The following SUGCT variants were observed in gnomAD, a reference collection of about 807,000 sequenced individuals.
SUGCT encodes succinyl-CoA:glutarate-CoA transferase, also known as succinyl-CoA:glutarate CoA-transferase.
SUGCT carries 41 observed loss-of-function variants against 55.0 expected under a neutral mutation model. The observed-to-expected ratio is 0.74, with a 90% CI of 0.58 to 0.97. The LOEUF (loss-of-function observed/expected upper bound fraction) is 0.97. SUGCT is among the 50% of genes least tolerant of loss of function. The pLI, the probability that SUGCT is intolerant of heterozygous loss-of-function variation, is 0.00. For missense variants in SUGCT, 568 were observed against 547.8 expected, an observed-to-expected ratio of 1.04 and a Z score of -0.37; for synonymous variants, 187 against 200.4, an observed-to-expected ratio of 0.93 and a Z score of 0.56.
intron 12 of SUGCT, among the ~76,000 whole-genome samples, chr7:40,555,858 A>C (rs762560096): frequency 2.0e-5 from 3 of 152,112 alleles, no homozygotes; most frequent in Non-Finnish European, 2.9e-5. Flanking sequence ...TACAACACCT[A>C]GATCAAATGC....
At chr7:41,035,746 A>T in the SUGCT span, among the ~76,000 whole-genome samples, 37 of 152,360 alleles carry the variant, frequency 2.4e-4, no homozygotes, top group African/African-American at 8.4e-4. Context: ...GATATATCAA[A>T]TATCAGGAGG....
chr7:40,527,123 T>C (rs1018242677), intron 12 of SUGCT, among the ~76,000 whole-genome samples: 2 of 152,354 alleles, frequency 1.3e-5, no homozygotes, highest in Middle Eastern at 3.4e-3. Context: ...CTTGGAACTC[T>C]AGCTTACATT....
intron 12 of SUGCT, among the ~76,000 whole-genome samples, chr7:40,745,086 G>A (rs1257955733): frequency 1.3e-5 from 2 of 152,122 alleles, no homozygotes; most frequent in Admixed American, 1.3e-4. Flanking sequence ...ATTTTGCCTA[G>A]CATATAAGTG....
At chr7:40,640,477 G>T (rs907911972) in intron 12 of SUGCT, among the ~76,000 whole-genome samples, 2 of 152,142 alleles carry the variant, frequency 1.3e-5, no homozygotes. Flanking sequence ...CTGCTGTATT[G>T]GTAGACTTGA....
intron 9 of SUGCT, among the ~76,000 whole-genome samples, chr7:40,380,795 G>A (rs1784832491): frequency 6.6e-6 from 1 of 152,110 alleles, no homozygotes. Flanking sequence ...TTTGATTGCT[G>A]CCTGTATATT....
chr7:40,653,265 G>A (rs1306281787), intron 12 of SUGCT, among the ~76,000 whole-genome samples: 1 of 152,140 alleles, frequency 6.6e-6, no homozygotes, highest in Non-Finnish European at 1.5e-5. Context: ...ACTATTCAAA[G>A]AACACTTGAA....
At chr7:40,968,115 C>A in the SUGCT span, 1 of 152,132 alleles carries the variant, frequency 6.6e-6, no homozygotes, top group South Asian at 2.1e-4. Flanking sequence ...AACAACGGAC[C>A]TGATGAGATT....
At chr7:40,914,218 C>T in the SUGCT span, among the ~76,000 whole-genome samples, 1 of 151,600 alleles carries the variant, frequency 6.6e-6, no homozygotes, top group Non-Finnish European at 1.5e-5. Flanking sequence ...ACTCAAAGTC[C>T]AATTACATTT....
chr7:40,636,393 A>G (rs1800021203), intron 12 of SUGCT, among the ~76,000 whole-genome samples: 1 of 152,118 alleles, frequency 6.6e-6, no homozygotes, highest in Non-Finnish European at 1.5e-5. Flanking sequence ...GTCAGGTGGA[A>G]GCTGTATTGC....
intron 9 of SUGCT, among the ~76,000 whole-genome samples, chr7:40,370,595 G>T (rs1562722343): frequency 1.4e-5 from 2 of 146,024 alleles, no homozygotes; most frequent in Non-Finnish European, 3.0e-5. Context: ...GAGAGATGGG[G>T]GAGAGAGAGA....
intron 9 of SUGCT, among the ~76,000 whole-genome samples, chr7:40,443,470 C>A (rs907250438): frequency 7.9e-5 from 12 of 152,146 alleles, no homozygotes; most frequent in Non-Finnish European, 1.6e-4. Context: ...TCTCTGATGG[C>A]CAGTGATGAT....
rs1444657822 is a variant in SUGCT at position 40,860,438 on chromosome 7, C to T, written c.1276C>T (p.Leu426=). The T allele has an allele frequency of 6.2e-7, 1 of 1,613,940 alleles. No homozygotes were observed. ...ATACGATGACAGGGCCATCGGGGAG[C>T]TGCTCAGCGCTGGAGTGGTGGACCA... ...LRYDDRAIGE[L]LSAGVVDQHE... is the part of the protein sequence containing the mutation. The change falls in exon 14 of 14, where the codon CTG becomes TTG. Residue 426 remains leucine (L), a synonymous_variant. Coordinates refer to ENST00000335693, the MANE Select transcript of SUGCT (RefSeq NM_001193313.2).
Position 40,822,014 on chromosome 7 carries a change from A to G in SUGCT, c.1154-38302A>G, listed in dbSNP as rs1447344445. Among the ~76,000 whole-genome samples the G allele has an allele frequency of 3.9e-5, 6 of 152,130 alleles. No homozygotes were observed. In the South Asian group the frequency reaches 1.0e-3, roughly 26 times the overall value. ...ACATCTTTATTTCTGCCTTCATTTCATTATGTACCCAGTAGTCATTCAGGA... is the reference window on the plus strand; with the variant it reads ...ACATCTTTATTTCTGCCTTCATTTCGTTATGTACCCAGTAGTCATTCAGGA... On this transcript the variant is annotated intron_variant, in intron 13 of 13. Transcript: ENST00000335693.
chr7:40,532,737 T>C (rs1449142954), intron 12 of SUGCT, among the ~76,000 whole-genome samples: 1 of 152,236 alleles, frequency 6.6e-6, no homozygotes, highest in Non-Finnish European at 1.5e-5. Flanking sequence ...GGGATGTTCA[T>C]AAAGTAACAT....
intron 9 of SUGCT, among the ~76,000 whole-genome samples, chr7:40,404,461 G>A (rs1397626170): frequency 1.3e-5 from 2 of 149,138 alleles, no homozygotes; most frequent in Admixed American, 6.7e-5. Flanking sequence ...TTTTTGAGGT[G>A]GAGTCTCACT....
At chr7:40,591,543 G>A (rs1243840349) in intron 12 of SUGCT, among the ~76,000 whole-genome samples, 2 of 152,192 alleles carry the variant, frequency 1.3e-5, no homozygotes, top group Admixed American at 1.3e-4. Context: ...GGGAATTGAT[G>A]CCAATTTTGA....
intron 7 of SUGCT, among the ~76,000 whole-genome samples, chr7:40,273,389 T>C (rs1488393917): frequency 2.6e-5 from 4 of 152,204 alleles, no homozygotes; most frequent in Middle Eastern, 6.8e-3. Context: ...AATAAGGAGG[T>C]AATTGAATCA....
intron 9 of SUGCT, among the ~76,000 whole-genome samples, chr7:40,380,263 C>T (rs2151279897): frequency 6.6e-6 from 1 of 152,258 alleles, no homozygotes; most frequent in African/African-American, 2.4e-5. Context: ...GGGAATAGGG[C>T]AAGTTAAAAT....
intron 13 of SUGCT, among the ~76,000 whole-genome samples, chr7:40,769,713 C>T (rs189086138): frequency 6.6e-6 from 1 of 152,202 alleles, no homozygotes; most frequent in Non-Finnish European, 1.5e-5. Flanking sequence ...AACTTCTGAC[C>T]TCCAGAGCTC....
Sources: allele counts gnomAD v4.1 joint callset (sites outside exome capture counted in the v4.1 genomes callset), GRCh38; gene constraint gnomAD v4.1.1; transcripts MANE v1.5; gene names NCBI Gene and HGNC (gene_info 2026-07-23, HGNC 2026-07-21).